The following TXNRD1 variants were observed in gnomAD, a reference collection of about 807,000 sequenced individuals.
The protein encoded by TXNRD1 is thioredoxin reductase 1, cytoplasmic.
A neutral mutation model predicts 80.3 loss-of-function variants in TXNRD1; 57 were observed. That is an observed-to-expected ratio of 0.71 (90% CI 0.57 to 0.89). TXNRD1 has a LOEUF of 0.89. Ranked by LOEUF, TXNRD1 falls within the 40% of genes least tolerant of loss-of-function variation. The pLI is 0.00. For missense variants in TXNRD1, 730 were observed against 803.0 expected, an observed-to-expected ratio of 0.91 and a Z score of 1.10; for synonymous variants, 291 against 285.2, an observed-to-expected ratio of 1.02 and a Z score of -0.20.
chr12:104,255,179 A>G (rs2033222307), intron 2 of TXNRD1, among the ~76,000 whole-genome samples: 1 of 152,180 alleles, frequency 6.6e-6, no homozygotes, highest in Non-Finnish European at 1.5e-5. Context: ...ACCCTGCTGT[A>G]GTTCTGGAAT....
At chr12:104,328,968 A>G (rs1277730401) in intron 13 of TXNRD1, among the ~76,000 whole-genome samples, 1 of 152,200 alleles carries the variant, frequency 6.6e-6, no homozygotes, top group Non-Finnish European at 1.5e-5. Context: ...GAATTTTGGC[A>G]TTACCCATTT....
intron 3 of TXNRD1, among the ~76,000 whole-genome samples, chr12:104,270,782 C>T (rs2033634826): frequency 6.6e-6 from 1 of 151,978 alleles, no homozygotes; most frequent in African/African-American, 2.4e-5. Flanking sequence ...AACATTGAAT[C>T]CTGTCAAGCA....
In TXNRD1 at chr12:104,311,342, A is replaced by G. The variant is rs760668225; in HGVS notation, c.467A>G (p.Asp156Gly). 5.6e-6 allele frequency: 9 copies of G among 1,612,846 alleles called. No individual in the cohort carries two copies. The East Asian group carries it at 1.8e-4, about 32-fold the overall frequency. ...CTACTAAAAATGAACGGCCCTGAAG[A>G]TCTTCCCAAGTCCTATGACTATGAC... is the stretch of plus-strand genomic sequence containing the variant. ...QKLLKMNGPE[D>G]LPKSYDYDLI... The change falls in exon 5 of 17, where the codon GAT becomes GGT. Residue 156 changes from aspartate to glycine, a missense_variant. Asp to Gly is a moderately conservative substitution (Grantham distance 94, BLOSUM62 -1). Coordinates refer to ENST00000525566, the MANE Select transcript of TXNRD1 (RefSeq NM_001093771.3).
rs1055630938 is a variant in TXNRD1 at position 104,344,492 on chromosome 12, T to C, written c.1882-3861T>C. On this transcript the variant is annotated intron_variant, in intron 16 of 16. Transcript: ENST00000525566. ...TTGACACAATAATTGTACATATTTA[T>C]GGGGTGCATAGTGATGTTTTGAAAC... Among the ~76,000 whole-genome samples, 3 of 152,318 alleles carry C rather than the reference T, an allele frequency of 2.0e-5. No individual in the cohort carries two copies. The East Asian group carries it at 5.8e-4, about 29-fold the overall frequency.
intron 1 of TXNRD1, among the ~76,000 whole-genome samples, chr12:104,238,855 C>CT (rs57945714): frequency 0.18 from 27,560 of 150,586 alleles, 3,130 homozygotes; most frequent in East Asian, 0.56. Context: ...GTTTTCTTTT[C>CT]TTTTTTTTTG....
At chr12:104,315,096 C>T (rs1054508492) in intron 6 of TXNRD1, among the ~76,000 whole-genome samples, 7 of 152,172 alleles carry the variant, frequency 4.6e-5, no homozygotes, top group Non-Finnish European at 1.0e-4. Context: ...CTAATCATCC[C>T]CAGCATAGCA....
intron 3 of TXNRD1, chr12:104,286,878 C>T: frequency 7.2e-6 from 8 of 1,110,030 alleles, no homozygotes; most frequent in Non-Finnish European, 8.9e-6. Flanking sequence ...GAGCTCTCAG[C>T]TTACGAGGCA....
rs2036295815 is a variant in TXNRD1 at position 104,340,745 on chromosome 12, T to C, written c.1881+1472T>C. Among the ~76,000 whole-genome samples the C allele has an allele frequency of 2.0e-5, 3 of 152,210 alleles. 1 individual carries two copies. The South Asian group carries it at 6.2e-4, about 31-fold the overall frequency. On this transcript the variant is annotated intron_variant, in intron 16 of 16. Coordinates refer to ENST00000525566, the MANE Select transcript of TXNRD1 (RefSeq NM_001093771.3). ...AATCCAACATGATCTCATTTTCACT[T>C]GATTACATCTGCAAATACCCTATTT...
chr12:104,279,725 C>T (rs1156604941), intron 3 of TXNRD1, among the ~76,000 whole-genome samples: 1 of 152,120 alleles, frequency 6.6e-6, no homozygotes, highest in Non-Finnish European at 1.5e-5. Context: ...ATTCCTTTAG[C>T]ATAAAAACAT....
chr12:104,237,723 A>G (rs2032768394), intron 1 of TXNRD1, among the ~76,000 whole-genome samples: 1 of 152,202 alleles, frequency 6.6e-6, no homozygotes, highest in African/African-American at 2.4e-5. Context: ...TTAAAGAAAA[A>G]TAAGCACTAG....
chr12:104,303,774 T>G, intron 4 of TXNRD1: 3 of 1,240,518 alleles, frequency 2.4e-6, no homozygotes, highest in Non-Finnish European at 3.2e-6. Flanking sequence ...TGCCGCCACT[T>G]TCCACACGCT....
intron 3 of TXNRD1, among the ~76,000 whole-genome samples, chr12:104,288,120 A>G (rs2034037883): frequency 1.3e-5 from 2 of 152,052 alleles, no homozygotes; most frequent in Non-Finnish European, 1.5e-5. Flanking sequence ...CCTCCTGAGT[A>G]GCTGGGATTA....
At chr12:104,295,283 G>T (rs1052424299) in intron 4 of TXNRD1, among the ~76,000 whole-genome samples, 6 of 152,062 alleles carry the variant, frequency 3.9e-5, no homozygotes, top group Non-Finnish European at 5.9e-5. Context: ...TCAGATTTCC[G>T]GTCACTTCTC....
At chr12:104,250,096 C>T (rs536992448) in intron 1 of TXNRD1, among the ~76,000 whole-genome samples, 8 of 152,074 alleles carry the variant, frequency 5.3e-5, no homozygotes, top group Middle Eastern at 6.8e-3. Flanking sequence ...AAAGCATGGG[C>T]GCTACCTTTA....
chr12:104,251,766 T>C, intron 2 of TXNRD1, 88 bp downstream of exon 2: 1 of 1,501,806 alleles, frequency 6.7e-7, no homozygotes, highest in East Asian at 2.3e-5. Context: ...GATTTTACCT[T>C]TAGGAAGAGT....
chr12:104,220,778 T>TTAAATCCTTG (rs2032335386), intron 1 of TXNRD1, among the ~76,000 whole-genome samples: 1 of 150,878 alleles, frequency 6.6e-6, no homozygotes, highest in Non-Finnish European at 1.5e-5. Flanking sequence ...TACAGTTGGA[T>TTAAATCCTTG]TAAATCCTTG....
At chr12:104,225,016 T>C (rs2032441571) in intron 1 of TXNRD1, 2 of 407,794 alleles carry the variant, frequency 4.9e-6, no homozygotes, top group Non-Finnish European at 9.8e-6. Flanking sequence ...AAAGAGGGGA[T>C]AACACCAAAG....
At chr12:104,292,167 A>G (rs1188292097) in intron 4 of TXNRD1, among the ~76,000 whole-genome samples, 6 of 152,208 alleles carry the variant, frequency 3.9e-5, no homozygotes, top group South Asian at 4.1e-4. Flanking sequence ...TGAGTGTACT[A>G]TAGAAGACAA....
intron 1 of TXNRD1, among the ~76,000 whole-genome samples, chr12:104,245,264 C>A (rs1463526406): frequency 6.6e-6 from 1 of 151,672 alleles, no homozygotes; most frequent in Non-Finnish European, 1.5e-5. Context: ...GTAATCCCAG[C>A]ACTTTGGGAG....
Sources: allele counts gnomAD v4.1 joint callset (sites outside exome capture counted in the v4.1 genomes callset), GRCh38; gene constraint gnomAD v4.1.1; transcripts MANE v1.5; gene names NCBI Gene and HGNC (gene_info 2026-07-23, HGNC 2026-07-21).